SYNPO2: variants seen among roughly 807,000 people sequenced by gnomAD.
SYNPO2 encodes the protein synaptopodin 2.
SYNPO2 carries 56 observed loss-of-function variants against 85.0 expected under a neutral mutation model. The observed-to-expected ratio is 0.66, with a 90% CI of 0.53 to 0.82. The LOEUF (loss-of-function observed/expected upper bound fraction) is 0.82. Ranked by LOEUF, SYNPO2 falls within the 40% of genes least tolerant of loss-of-function variation. The pLI is 0.00. For synonymous variants in SYNPO2, 602 were observed against 591.1 expected (o/e 1.02, Z -0.27); for missense variants, 1,575 against 1,534.2 (o/e 1.03, Z -0.44).
intron 4 of SYNPO2, among the ~76,000 whole-genome samples, chr4:119,045,233 A>C (rs1315678207): frequency 6.6e-6 from 1 of 152,232 alleles, no homozygotes; most frequent in Non-Finnish European, 1.5e-5. Context: ...TTCTGTACTG[A>C]TAATCATTAC....
At position 119,030,178 on chromosome 4, in the gene SYNPO2, T is replaced by G. The variant is rs769569011; in HGVS notation, c.1403T>G (p.Leu468Arg). The change falls in exon 4 of 5, where the codon CTG becomes CGG. Residue 468 changes from leucine (L) to arginine (R), a missense_variant. Coordinates refer to ENST00000307142, the MANE Select transcript of SYNPO2 (RefSeq NM_133477.3). ...QVVNFDWDSG[L>R]VDIEKKLNRG... The stretch of plus-strand genomic sequence containing the variant: ...GTGAACTTTGACTGGGATTCTGGAC[T>G]GGTGGACATTGAAAAGAAACTGAAC... 1 of 1,614,056 alleles carries G rather than the reference T, an allele frequency of 6.2e-7. No individual in the cohort carries two copies. The highest frequency in any genetic ancestry group is 1.7e-5 in the Admixed American group (1 of 60,000).
At chr4:118,920,242 G>A (rs1733489238) in intron 1 of SYNPO2, among the ~76,000 whole-genome samples, 1 of 152,122 alleles carries the variant, frequency 6.6e-6, no homozygotes, top group South Asian at 2.1e-4. Flanking sequence ...GAAGGAATAA[G>A]TATGTAAGGA....
At chr4:118,996,731 C>T (rs151171006) in intron 1 of SYNPO2, among the ~76,000 whole-genome samples, 12,565 of 151,556 alleles carry the variant, frequency 0.083, 640 homozygotes, top group East Asian at 0.12. Context: ...GTGGCACACG[C>T]CTGTAGTCCC....
intron 1 of SYNPO2, among the ~76,000 whole-genome samples, chr4:119,011,237 C>T (rs1171730168): frequency 1.3e-5 from 2 of 152,190 alleles, no homozygotes; most frequent in African/African-American, 4.8e-5. Context: ...GCAGAGTGCA[C>T]AGGAGGTGCA....
At chr4:119,008,392 G>A (rs1054808328) in intron 1 of SYNPO2, among the ~76,000 whole-genome samples, 2 of 151,652 alleles carry the variant, frequency 1.3e-5, no homozygotes, top group African/African-American at 4.8e-5. Context: ...GAGGTGAAAT[G>A]AGCAGTGGAC....
chr4:118,924,356 T>C (rs1490660277), intron 1 of SYNPO2, among the ~76,000 whole-genome samples: 2 of 152,024 alleles, frequency 1.3e-5, no homozygotes, highest in East Asian at 3.8e-4. Flanking sequence ...TTTAATTTGG[T>C]GTTGGCCATT....
intron 1 of SYNPO2, among the ~76,000 whole-genome samples, chr4:118,869,476 A>C (rs1731762845): frequency 3.3e-5 from 5 of 152,240 alleles, no homozygotes; most frequent in Admixed American, 3.3e-4. Flanking sequence ...TTAAGCCTAC[A>C]TTTAGTGTTT....
Position 119,057,870 on chromosome 4 carries a change from A to G in SYNPO2, c.3722A>G (p.Tyr1241Cys), listed in dbSNP as rs1739265084. 6.2e-7 allele frequency: 1 copy of G among 1,614,136 alleles called. No individual in the cohort carries two copies. Among genetic ancestry groups the G allele is most frequent in the Non-Finnish European group, 8.5e-7 (1 of 1,180,012 alleles). Residue 1241 changes from tyrosine to cysteine, a missense_variant, in exon 5 of 5, where the codon TAC (tyrosine) becomes TGC (cysteine). Transcript: ENST00000307142. ...ATGTCCATGGAAACCAGGTCTGATT[A>G]CTGTCTTCCAGTAGCTGATTACAAC... is the stretch of plus-strand genomic sequence containing the variant. ...AIMSMETRSD[Y>C]CLPVADYNYN...
chr4:118,896,048 G>A (rs969640828), intron 1 of SYNPO2, among the ~76,000 whole-genome samples: 3 of 152,002 alleles, frequency 2.0e-5, no homozygotes, highest in Admixed American at 1.3e-4. Flanking sequence ...AATTGCAAAA[G>A]CATTATATAA....
At chr4:118,888,408 A>G (rs1732247189), upstream of SYNPO2, among the ~76,000 whole-genome samples, 1 of 152,198 alleles carries the variant, frequency 6.6e-6, no homozygotes, top group African/African-American at 2.4e-5. Context: ...ATTCAGCAGA[A>G]TGCAGACAGA....
intron 1 of SYNPO2, among the ~76,000 whole-genome samples, chr4:119,012,749 A>T (rs1346620718): frequency 6.6e-6 from 1 of 152,212 alleles, no homozygotes; most frequent in Non-Finnish European, 1.5e-5. Flanking sequence ...AGGGTTGCAT[A>T]GTATTCCACG....
At chr4:119,018,070 T>C (rs1204948364) in intron 1 of SYNPO2, among the ~76,000 whole-genome samples, 2 of 152,190 alleles carry the variant, frequency 1.3e-5, no homozygotes, top group Non-Finnish European at 2.9e-5. Flanking sequence ...GTCTATGAAA[T>C]GTAAATAATG....
chr4:118,919,717 G>T (rs1733470147), intron 1 of SYNPO2, among the ~76,000 whole-genome samples: 1 of 152,300 alleles, frequency 6.6e-6, no homozygotes, highest in African/African-American at 2.4e-5. Context: ...ATATGAGAAG[G>T]TGTCTTTCAG....
intron 1 of SYNPO2, among the ~76,000 whole-genome samples, chr4:118,924,325 T>C (rs571039762): frequency 3.9e-5 from 6 of 152,208 alleles, no homozygotes; most frequent in Admixed American, 6.5e-5. Flanking sequence ...CAGTATATTT[T>C]AAATGCAAAA....
intron 3 of SYNPO2, 94 bp from the exon 4 acceptor site, chr4:119,029,751 T>C (rs1738130839): frequency 7.4e-7 from 1 of 1,352,686 alleles, no homozygotes; most frequent in Non-Finnish European, 9.7e-7. Flanking sequence ...TTTACATATT[T>C]ATTTTCCCCC....
At chr4:118,971,006 A>C (rs1383237306) in intron 1 of SYNPO2, among the ~76,000 whole-genome samples, 1 of 152,168 alleles carries the variant, frequency 6.6e-6, no homozygotes, top group Non-Finnish European at 1.5e-5. Flanking sequence ...TGTTAGACCA[A>C]CACTCTCTGG....
chr4:118,902,314 A>G (rs560817183), intron 1 of SYNPO2, among the ~76,000 whole-genome samples: 1 of 152,354 alleles, frequency 6.6e-6, no homozygotes, highest in East Asian at 1.9e-4. Flanking sequence ...CACTGCCGAT[A>G]AAGACATACC....
intron 1 of SYNPO2, among the ~76,000 whole-genome samples, chr4:118,969,621 G>A (rs1392148621): frequency 2.6e-5 from 4 of 152,204 alleles, no homozygotes; most frequent in Admixed American, 1.3e-4. Flanking sequence ...CCAACAATGA[G>A]GTAGCCAATG....
At chr4:118,882,964 T>C (rs895188296) in intron 1 of SYNPO2, among the ~76,000 whole-genome samples, 1 of 152,010 alleles carries the variant, frequency 6.6e-6, no homozygotes, top group Non-Finnish European at 1.5e-5. Context: ...GGTTTCACTA[T>C]GTTAGCCAGG....
Sources: gnomAD v4.1 joint callset for allele counts (sites outside exome capture counted in the v4.1 genomes callset) on GRCh38, gnomAD v4.1.1 for gene constraint, MANE v1.5 for transcripts, NCBI Gene and HGNC (gene_info 2026-07-23, HGNC 2026-07-21) for gene names.